Variants in ASAP3 observed in about 807,000 individuals in gnomAD.
ASAP3 encodes arf-GAP with SH3 domain, ANK repeat and PH domain-containing protein 3.
A neutral mutation model predicts 118.2 loss-of-function variants in ASAP3; 85 were observed. The observed-to-expected ratio is 0.72, with a 90% confidence interval of 0.60 to 0.86. The LOEUF is 0.86. ASAP3 is among the 40% of genes least tolerant of loss of function. ASAP3 has a pLI of 0.00. For synonymous variants in ASAP3, 432 were observed against 477.4 expected (o/e 0.90, Z 1.24); for missense variants, 1,026 against 1,175.0 (o/e 0.87, Z 1.85).
rs142687246 is a variant in ASAP3, at chr1:23,429,870, G to A, written c.2698C>T (p.Leu900Phe). The A allele has an allele frequency of 4.3e-6, 7 of 1,613,878 alleles. No individual in the cohort carries two copies. Among genetic ancestry groups the A allele is most frequent in the Non-Finnish European group, 5.9e-6 (7 of 1,179,884 alleles). The change falls in exon 25 of 25, where the codon CTT (leucine) becomes TTT (phenylalanine). Residue 900 changes from leucine (L) to phenylalanine (F), a missense_variant. Physicochemically the swap from Leu to Phe is conservative, Grantham distance 22 (BLOSUM62 0). Transcript: ENST00000336689. The part of the protein sequence containing the change: ...TGSLPASSVQ[L>F]LQD ...CCAGCAAGGAGCTAGTCTTGCAAAAGTTGCACAGAACTTGCTGGGAGACTC... is the reference window on the plus strand; with the variant it reads ...CCAGCAAGGAGCTAGTCTTGCAAAAATTGCACAGAACTTGCTGGGAGACTC...
intron 5 of ASAP3, among the ~76,000 whole-genome samples, chr1:23,450,323 C>T (rs1053310903): frequency 2.0e-5 from 3 of 152,214 alleles, no homozygotes; most frequent in African/African-American, 7.2e-5. Context: ...TACATAATGG[C>T]TTATGCAGGT....
intron 1 of ASAP3, among the ~76,000 whole-genome samples, chr1:23,474,208 T>C (rs1179877184): frequency 6.6e-6 from 1 of 152,006 alleles, no homozygotes; most frequent in Admixed American, 6.6e-5. Flanking sequence ...CCTCAGGTGA[T>C]CCACCCGCCT....
chr1:23,429,680 A>G lies in ASAP3; in HGVS notation c.*176T>C, dbSNP rs1640354013. On this transcript the variant is annotated 3_prime_UTR_variant, in exon 25 of 25. Transcript: ENST00000336689. ...CCATCAGTCCTAACAGGGAAAGGCC[A>G]TGTGTCCTTGGTAGAGGCATGGCCT... is the stretch of plus-strand genomic sequence containing the variant. The G allele has an allele frequency of 1.7e-5, 10 of 604,000 alleles. No homozygotes were observed. The highest frequency in any genetic ancestry group is 2.3e-5 in the Non-Finnish European group (8 of 351,792). The allele number at this position is 604,000 out of a possible 1,614,324, so 37.4% of individuals were successfully genotyped here.
At chr1:23,440,328 C>T (rs1444482932) in intron 10 of ASAP3, among the ~76,000 whole-genome samples, 3 of 144,638 alleles carry the variant, frequency 2.1e-5, no homozygotes, top group African/African-American at 5.1e-5. Context: ...GGTGAAACCC[C>T]GTCTCTACTA....
intron 5 of ASAP3, 106 bp downstream of exon 5, chr1:23,451,373 G>GA: frequency 2.3e-6 from 3 of 1,282,832 alleles, no homozygotes. Flanking sequence ...TACAGAGCCA[G>GA]ATGTCACCCA....
chr1:23,470,975 C>G (rs1641944452), intron 1 of ASAP3, among the ~76,000 whole-genome samples: 1 of 152,256 alleles, frequency 6.6e-6, no homozygotes, highest in African/African-American at 2.4e-5. Context: ...TACCCGACCC[C>G]TGGCCTCAAG....
At chr1:23,468,930 A>G (rs993316207) in intron 1 of ASAP3, among the ~76,000 whole-genome samples, 3 of 151,028 alleles carry the variant, frequency 2.0e-5, no homozygotes, top group Non-Finnish European at 1.5e-5. Flanking sequence ...TACACTTAAA[A>G]TATTTAACAA....
At chr1:23,470,473 T>G (rs1641924886) in intron 1 of ASAP3, among the ~76,000 whole-genome samples, 1 of 152,158 alleles carries the variant, frequency 6.6e-6, no homozygotes, top group African/African-American at 2.4e-5. Context: ...GTGGCTACAC[T>G]GCAAGGCCTG....
chr1:23,484,346 C>G (rs547170316), upstream of ASAP3: 12 of 412,868 alleles, frequency 2.9e-5, no homozygotes, highest in Non-Finnish European at 4.5e-5. Flanking sequence ...CGCCAAGGTC[C>G]AGGCTCCGGC....
intron 1 of ASAP3, among the ~76,000 whole-genome samples, chr1:23,463,679 G>A (rs1160745199): frequency 6.6e-6 from 1 of 152,076 alleles, no homozygotes. Flanking sequence ...TCGGCTCACT[G>A]CAACCTCCGT....
intron 5 of ASAP3, among the ~76,000 whole-genome samples, chr1:23,444,671 A>G (rs1181528657): frequency 6.6e-6 from 1 of 152,162 alleles, no homozygotes; most frequent in African/African-American, 2.4e-5. Context: ...GGAGGAAGCA[A>G]TGGTCTACGG....
intron 1 of ASAP3, among the ~76,000 whole-genome samples, chr1:23,457,842 G>C (rs1641437717): frequency 6.6e-6 from 1 of 152,214 alleles, no homozygotes; most frequent in Admixed American, 6.5e-5. Flanking sequence ...TGAGCTTCCT[G>C]ATTAGCCATG....
At chr1:23,442,677 G>A in intron 5 of ASAP3, 65 bp from the exon 6 acceptor site, 7 of 1,566,984 alleles carry the variant, frequency 4.5e-6, no homozygotes, top group Non-Finnish European at 6.0e-6. Context: ...TTCTGCCAAG[G>A]ATGCATGAGC....
intron 24 of ASAP3, among the ~76,000 whole-genome samples, chr1:23,430,420 G>C (rs767106322): frequency 5.3e-5 from 8 of 152,202 alleles, no homozygotes; most frequent in Non-Finnish European, 1.2e-4. Context: ...ATATGCCATT[G>C]TTGGAGACTT....
chr1:23,483,954 A>C, intron 1 of ASAP3, 51 bp downstream of exon 1: 1 of 1,245,100 alleles, frequency 8.0e-7, no homozygotes, highest in Non-Finnish European at 1.0e-6. Flanking sequence ...TGTGGAGGTC[A>C]AGGCCAGGCC....
chr1:23,453,500 G>A (rs1436155755), intron 3 of ASAP3, among the ~76,000 whole-genome samples: 1 of 152,164 alleles, frequency 6.6e-6, no homozygotes, highest in East Asian at 1.9e-4. Flanking sequence ...TGTCCACTGA[G>A]CAGAGACAGA....
intron 1 of ASAP3, among the ~76,000 whole-genome samples, chr1:23,467,008 C>G (rs1641791754): frequency 1.3e-5 from 2 of 152,044 alleles, no homozygotes; most frequent in Admixed American, 1.3e-4. Context: ...GCTGGGATTA[C>G]AGGCATGCGC....
intron 5 of ASAP3, among the ~76,000 whole-genome samples, chr1:23,448,146 T>G (rs916800202): frequency 2.0e-5 from 3 of 152,240 alleles, no homozygotes; most frequent in African/African-American, 7.2e-5. Flanking sequence ...TGAAAGTACT[T>G]AAATGCTAGT....
intron 1 of ASAP3, among the ~76,000 whole-genome samples, chr1:23,470,842 G>A (rs1290671481): frequency 2.0e-5 from 3 of 152,208 alleles, no homozygotes; most frequent in Non-Finnish European, 2.9e-5. Context: ...CCACACCCTC[G>A]ATGTATGCTG....
Sources: gnomAD v4.1 joint callset for allele counts (sites outside exome capture counted in the v4.1 genomes callset) on GRCh38, gnomAD v4.1.1 for gene constraint, MANE v1.5 for transcripts, NCBI Gene and HGNC (gene_info 2026-07-23, HGNC 2026-07-21) for gene names.